COL23A1: variants seen among roughly 807,000 people sequenced by gnomAD.
COL23A1 encodes the protein collagen type XXIII alpha 1 chain, also known as collagen alpha-1(XXIII) chain.
Under a neutral mutation model 99.3 loss-of-function variants are expected in COL23A1, and 97 were observed. That is an observed-to-expected ratio of 0.98 (90% CI 0.83 to 1.16). The LOEUF (loss-of-function observed/expected upper bound fraction) is 1.16, where lower values mean the gene tolerates loss of function less well. Ranked by LOEUF, COL23A1 falls within the 50% of genes most tolerant of loss-of-function variation. COL23A1 has a pLI of 0.00. For missense variants in COL23A1, 762 were observed against 757.4 expected (o/e 1.01, Z -0.07); for synonymous variants, 320 against 308.2 (o/e 1.04, Z -0.40).
At chr5:178,325,305 G>A (rs533214757) in intron 2 of COL23A1, among the ~76,000 whole-genome samples, 9 of 146,446 alleles carry the variant, frequency 6.1e-5, no homozygotes, top group African/African-American at 2.3e-4. Flanking sequence ...GGCATCCACA[G>A]GTTCCCCGCT....
At chr5:178,286,203 C>A (rs531021407) in intron 5 of COL23A1, among the ~76,000 whole-genome samples, 1 of 152,318 alleles carries the variant, frequency 6.6e-6, no homozygotes, top group East Asian at 1.9e-4. Context: ...TCATCCCTCA[C>A]CAGGCCCAGC....
intron 2 of COL23A1, among the ~76,000 whole-genome samples, chr5:178,416,354 G>A (rs572195822): frequency 3.3e-5 from 5 of 152,266 alleles, no homozygotes; most frequent in South Asian, 2.1e-4. Context: ...GAGGCTCCCC[G>A]GGCCTCCATC....
At chr5:178,269,667 C>T (rs1184219161) in intron 6 of COL23A1, among the ~76,000 whole-genome samples, 2 of 144,638 alleles carry the variant, frequency 1.4e-5, no homozygotes, top group Non-Finnish European at 1.5e-5. Flanking sequence ...TCCATCCATC[C>T]ACCCATTCAT....
intron 5 of COL23A1, among the ~76,000 whole-genome samples, chr5:178,283,224 T>A (rs1270484780): frequency 6.6e-6 from 1 of 152,020 alleles, no homozygotes; most frequent in Non-Finnish European, 1.5e-5. Flanking sequence ...TCAAGTTCCA[T>A]CCCCCAGCCC....
intron 2 of COL23A1, among the ~76,000 whole-genome samples, chr5:178,397,709 C>G (rs1177980311): frequency 6.6e-6 from 1 of 152,242 alleles, no homozygotes; most frequent in African/African-American, 2.4e-5. Context: ...AGAATTTCGG[C>G]TGGGTGCAGT....
In COL23A1 at chr5:178,350,203, A is replaced by T. The variant is rs192874530; in HGVS notation, c.362-43284T>A. 1.5e-3 allele frequency among the ~76,000 whole-genome samples: 229 copies of T among 152,190 alleles called. 1 individual carries two copies. The highest frequency in any genetic ancestry group is 5.3e-3 in the African/African-American group (219 of 41,514). ...GAGCACCCATGCCACCTCCTCCAGG[A>T]CGCCCACCTGGTCATGCCCCTCTCT... On this transcript the variant is annotated intron_variant, in intron 2 of 28. Coordinates refer to ENST00000390654, the MANE Select transcript of COL23A1 (RefSeq NM_173465.4).
chr5:178,358,741 C>G (rs72494555), intron 2 of COL23A1, among the ~76,000 whole-genome samples: 66 of 87,660 alleles, frequency 7.5e-4, no homozygotes, highest in South Asian at 7.0e-3. Context: ...GTATGTGTAT[C>G]TGTGTGTGTA....
intron 5 of COL23A1, among the ~76,000 whole-genome samples, chr5:178,274,158 G>T (rs1014062300): frequency 5.3e-5 from 8 of 152,230 alleles, no homozygotes; most frequent in Non-Finnish European, 4.4e-5. Context: ...TAGTTTGTGG[G>T]TCTTTGAAAG....
At chr5:178,242,493 T>G in intron 25 of COL23A1, 99 bp from the exon 26 acceptor site, 3 of 1,213,422 alleles carry the variant, frequency 2.5e-6, no homozygotes, top group Middle Eastern at 1.9e-4. Flanking sequence ...CACGCCCACT[T>G]TCCCCCCTGC....
At chr5:178,262,458 G>A (rs1765685190) in intron 9 of COL23A1, among the ~76,000 whole-genome samples, 1 of 152,188 alleles carries the variant, frequency 6.6e-6, no homozygotes, top group East Asian at 1.9e-4. Context: ...GACAAGTAAT[G>A]GATGAGCCAA....
At chr5:178,498,586 G>A (rs1758359615) in intron 2 of COL23A1, among the ~76,000 whole-genome samples, 1 of 151,792 alleles carries the variant, frequency 6.6e-6, no homozygotes, top group African/African-American at 2.4e-5. Flanking sequence ...TCATTATAAA[G>A]GTGAGAACTA....
At chr5:178,562,080 G>C (rs1326520727) in intron 1 of COL23A1, 5 of 533,342 alleles carry the variant, frequency 9.4e-6, no homozygotes, top group Non-Finnish European at 3.6e-6. Flanking sequence ...TGGTCTCGCT[G>C]ACTTCAAAAA....
At chr5:178,512,886 C>T (rs1054012164) in intron 2 of COL23A1, among the ~76,000 whole-genome samples, 4 of 152,214 alleles carry the variant, frequency 2.6e-5, no homozygotes, top group African/African-American at 9.6e-5. Flanking sequence ...TTCATCCACA[C>T]CTCCCATTTT....
At chr5:178,389,604 C>T (rs1464085533) in intron 2 of COL23A1, among the ~76,000 whole-genome samples, 1 of 152,224 alleles carries the variant, frequency 6.6e-6, no homozygotes, top group Non-Finnish European at 1.5e-5. Context: ...CCTCCACCCC[C>T]AAGTCGTAGA....
intron 25 of COL23A1, among the ~76,000 whole-genome samples, chr5:178,243,706 C>A (rs779839227): frequency 1.3e-5 from 2 of 152,002 alleles, no homozygotes; most frequent in African/African-American, 4.8e-5. Flanking sequence ...TATAGTTGGG[C>A]CTTCTGGGGT....
At chr5:178,301,813 C>CGGCTTCAATG (rs1292637306) in intron 3 of COL23A1, among the ~76,000 whole-genome samples, 1 of 152,146 alleles carries the variant, frequency 6.6e-6, no homozygotes, top group Non-Finnish European at 1.5e-5. Context: ...CGCCGGAGCA[C>CGGCTTCAATG]GGCTTCAATG....
chr5:178,402,007 G>A (rs917806903), intron 2 of COL23A1, among the ~76,000 whole-genome samples: 2 of 152,092 alleles, frequency 1.3e-5, no homozygotes, highest in Admixed American at 6.5e-5. Context: ...GTAGAGATGG[G>A]GTTTCATGAT....
intron 6 of COL23A1, among the ~76,000 whole-genome samples, chr5:178,269,152 A>AG (rs966096942): frequency 2.6e-5 from 4 of 152,162 alleles, no homozygotes; most frequent in African/African-American, 9.7e-5. Flanking sequence ...AGCAGGCAGT[A>AG]GACAGAGATT....
At chr5:178,290,461 C>A in intron 3 of COL23A1, 92 bp from the exon 4 acceptor site, 1 of 1,532,772 alleles carries the variant, frequency 6.5e-7, no homozygotes. Flanking sequence ...GTCCTCAGCA[C>A]GGCTCCTGGC....
Sources: gnomAD v4.1 joint callset for allele counts (sites outside exome capture counted in the v4.1 genomes callset) on GRCh38, gnomAD v4.1.1 for gene constraint, MANE v1.5 for transcripts, NCBI Gene and HGNC (gene_info 2026-07-23, HGNC 2026-07-21) for gene names.